Variants in SPAST observed in about 807,000 individuals in gnomAD.
SPAST encodes spastin, also known as spastic paraplegia 4 (autosomal dominant; spastin).
Under a neutral mutation model 76.6 loss-of-function variants are expected in SPAST, and 30 were observed. That is an observed-to-expected ratio of 0.39 (90% CI 0.29 to 0.53). SPAST has a LOEUF of 0.53. Among genes scored for constraint, SPAST ranks in the 20% least tolerant of loss-of-function variants. SPAST has a pLI of 0.68. For synonymous variants in SPAST, 305 were observed against 281.0 expected (o/e 1.09, Z -0.86); for missense variants, 717 against 770.5 (o/e 0.93, Z 0.82).
intron 4 of SPAST, among the ~76,000 whole-genome samples, chr2:32,109,862 A>G (rs1410231756): frequency 6.7e-6 from 1 of 149,056 alleles, no homozygotes; most frequent in Non-Finnish European, 1.5e-5. Context: ...ATAGTTACAT[A>G]TCTATATGCA....
intron 1 of SPAST, among the ~76,000 whole-genome samples, chr2:32,071,561 C>G (rs1007809211): frequency 3.3e-5 from 5 of 152,140 alleles, no homozygotes; most frequent in African/African-American, 1.2e-4. Context: ...CCAAGGTGGT[C>G]AGGCTATAGC....
chr2:32,103,584 G>T (rs1026967233), intron 4 of SPAST, among the ~76,000 whole-genome samples: 29 of 151,916 alleles, frequency 1.9e-4, no homozygotes, highest in Admixed American at 1.8e-3. Flanking sequence ...GATCTTTCCT[G>T]TTTTCTCTTG....
chr2:32,083,692 A>G (rs1677330563), intron 1 of SPAST, among the ~76,000 whole-genome samples: 1 of 138,484 alleles, frequency 7.2e-6, no homozygotes, highest in South Asian at 2.3e-4. Context: ...TGCTATATAT[A>G]GAGTATATAT....
chr2:32,115,804 G>C lies in SPAST; in HGVS notation c.973G>C (p.Ala325Pro). 1 of 1,611,516 alleles carries C rather than the reference G, an allele frequency of 6.2e-7. No individual in the cohort carries two copies. The highest frequency in any genetic ancestry group is 8.5e-7 in the Non-Finnish European group (1 of 1,178,226). Reference protein sequence around the residue: ...KNFRNVDSNLANLIMNEIVDN... With the variant: ...KNFRNVDSNLPNLIMNEIVDN... ...TTTTAGGAATGTGGACAGCAACCTT[G>C]CTAACCTTATAATGAATGAAATTGT... The change falls in exon 6 of 17, where the codon GCT (alanine) becomes CCT (proline). Residue 325 changes from alanine to proline, a missense_variant. Ala to Pro is a conservative substitution (Grantham distance 27). Around this residue, in one of 3 missense-constraint regions of SPAST, gnomAD observed 543 missense variants for 445.2 expected, o/e 1.22. Transcript: ENST00000315285.
intron 2 of SPAST, among the ~76,000 whole-genome samples, chr2:32,089,218 T>TTTTTTC (rs375850129): frequency 3.8e-5 from 5 of 129,996 alleles, no homozygotes; most frequent in East Asian, 2.6e-4. Context: ...TTTTTTTTTT[T>TTTTTTC]AAGTAGAGAC....
At chr2:32,135,407 G>A (rs1362978303) in intron 9 of SPAST, among the ~76,000 whole-genome samples, 1 of 152,064 alleles carries the variant, frequency 6.6e-6, no homozygotes, top group African/African-American at 2.4e-5. Flanking sequence ...GGGATTACAG[G>A]TCTGAGCCGC....
At chr2:32,114,122 G>A (rs990075756) in intron 4 of SPAST, among the ~76,000 whole-genome samples, 3 of 152,024 alleles carry the variant, frequency 2.0e-5, no homozygotes, top group African/African-American at 7.2e-5. Flanking sequence ...AATTAGAATA[G>A]GGACAGGCAC....
intron 12 of SPAST, among the ~76,000 whole-genome samples, chr2:32,138,301 A>T (rs1459579950): frequency 6.6e-6 from 1 of 152,138 alleles, no homozygotes; most frequent in Non-Finnish European, 1.5e-5. Context: ...CAACCTCACC[A>T]ACATCTGTTA....
chr2:32,120,738 C>G (rs1678990924), intron 7 of SPAST, among the ~76,000 whole-genome samples: 1 of 152,062 alleles, frequency 6.6e-6, no homozygotes, highest in Non-Finnish European at 1.5e-5. Flanking sequence ...TTATGTATCT[C>G]CTGTCTTTTA....
rs758967973 is a variant in SPAST at position 32,144,943 on chromosome 2, T to C, written c.1623T>C (p.Thr541=). 6 of 1,611,598 alleles carry C rather than the reference T, an allele frequency of 3.7e-6. No individual in the cohort carries two copies. The South Asian group carries it at 6.6e-5, about 18-fold the overall frequency. The change falls in exon 15 of 17, where the codon ACT becomes ACC. Residue 541 remains threonine (T), a synonymous_variant. Transcript: ENST00000315285. Reference sequence around the variant, plus strand: ...TCTTCCTTCCCTTCCTCAGAATGACTGATGGATACTCAGGAAGTGACCTAA... The same window carrying C: ...TCTTCCTTCCCTTCCTCAGAATGACCGATGGATACTCAGGAAGTGACCTAA... The part of the protein sequence containing the change: ...QKELAQLARM[T]DGYSGSDLTA...
intron 9 of SPAST, chr2:32,130,323 T>G (rs1679328110): frequency 7.2e-6 from 1 of 138,292 alleles, no homozygotes. Flanking sequence ...ACTTTTATGG[T>G]TGAAAGTGTT....
intron 1 of SPAST, among the ~76,000 whole-genome samples, chr2:32,085,099 AATAC>A (rs1330691692): frequency 6.6e-6 from 1 of 152,040 alleles, no homozygotes; most frequent in Non-Finnish European, 1.5e-5. Flanking sequence ...AAAAAACAAA[AATAC>A]ATGTAAACAG....
chr2:32,131,383 C>G (rs1374796548), intron 9 of SPAST, among the ~76,000 whole-genome samples: 2 of 152,146 alleles, frequency 1.3e-5, no homozygotes, highest in African/African-American at 2.4e-5. Flanking sequence ...TTAATTGTAT[C>G]TGATATCACT....
rs140856561 is a variant in SPAST at position 32,134,463 on chromosome 2, C to CAA, written c.1246-2089_1246-2088dup. On this transcript the variant is annotated intron_variant, in intron 9 of 16. Coordinates refer to ENST00000315285, the MANE Select transcript of SPAST (RefSeq NM_014946.4). ...ATTGCAGTGAGCCGAGACTCCATCTCAAAAAAAAAAAATTTTTTTTTGTAG... is the reference window on the plus strand; with the variant it reads ...ATTGCAGTGAGCCGAGACTCCATCTCAAAAAAAAAAAAAATTTTTTTTTGTAG... Among the ~76,000 whole-genome samples the CAA allele has an allele frequency of 3.4e-4, 50 of 147,002 alleles. No homozygotes were observed. In the East Asian group the frequency reaches 5.3e-3, roughly 16 times the overall value.
At chr2:32,106,633 T>G (rs1302264851) in intron 4 of SPAST, among the ~76,000 whole-genome samples, 1 of 152,186 alleles carries the variant, frequency 6.6e-6, no homozygotes, top group Non-Finnish European at 1.5e-5. Flanking sequence ...AAGGTTTTAG[T>G]GGAGAAGAGA....
intron 3 of SPAST, among the ~76,000 whole-genome samples, chr2:32,096,680 T>G (rs1677928693): frequency 6.6e-6 from 1 of 152,104 alleles, no homozygotes; most frequent in African/African-American, 2.4e-5. Flanking sequence ...TTCTTTTTAT[T>G]ACATAATGAA....
rs1677827096 is a variant in SPAST at position 32,093,959 on chromosome 2, T to C, written c.586+4354T>C. 2.6e-5 allele frequency among the ~76,000 whole-genome samples: 4 copies of C among 152,162 alleles called. No individual in the cohort carries two copies. In the South Asian group the frequency reaches 8.3e-4, roughly 32 times the overall value. ...CAAAAATAAATAATATGGATGGTCTTTTCCCATTTTTAACAGAGAGGCTAC... is the reference window on the plus strand; with the variant it reads ...CAAAAATAAATAATATGGATGGTCTCTTCCCATTTTTAACAGAGAGGCTAC... On this transcript the variant is annotated intron_variant, in intron 3 of 16. Coordinates refer to ENST00000315285, the MANE Select transcript of SPAST (RefSeq NM_014946.4).
intron 12 of SPAST, among the ~76,000 whole-genome samples, chr2:32,141,269 G>A (rs536437954): frequency 6.6e-5 from 10 of 152,250 alleles, no homozygotes; most frequent in Admixed American, 1.3e-4. Flanking sequence ...AAGATAATTC[G>A]TCTTAGAGTT....
At chr2:32,137,609 C>T (rs1679580316) in intron 12 of SPAST, among the ~76,000 whole-genome samples, 1 of 152,144 alleles carries the variant, frequency 6.6e-6, no homozygotes, top group African/African-American at 2.4e-5. Context: ...CTTGGGCATC[C>T]TTTCCCAAGG....
Sources: allele counts gnomAD v4.1 joint callset (sites outside exome capture counted in the v4.1 genomes callset), GRCh38; gene constraint gnomAD v4.1.1; regional missense constraint gnomAD v4.1.1; transcripts MANE v1.5; gene names NCBI Gene and HGNC (gene_info 2026-07-23, HGNC 2026-07-21).